The following KCNIP4 variants were observed in gnomAD, a reference collection of about 807,000 sequenced individuals.
KCNIP4 encodes potassium voltage-gated channel interacting protein 4, also known as Kv channel-interacting protein 4.
A neutral mutation model predicts 34.0 loss-of-function variants in KCNIP4; 12 were observed. The ratio of observed to expected loss-of-function variants is 0.35; its 90% CI spans 0.23 to 0.57. KCNIP4 has a LOEUF of 0.57. Among genes scored for constraint, KCNIP4 ranks in the 20% least tolerant of loss-of-function variants. KCNIP4 has a pLI of 0.83. For synonymous variants in KCNIP4, 124 were observed against 102.2 expected, an observed-to-expected ratio of 1.21 and a Z score of -1.29; for missense variants, 238 against 311.7, an observed-to-expected ratio of 0.76 and a Z score of 1.78.
intron 5 of KCNIP4, among the ~76,000 whole-genome samples, chr4:20,738,286 A>G (rs1275039096): frequency 6.6e-6 from 1 of 152,222 alleles, no homozygotes; most frequent in Non-Finnish European, 1.5e-5. Flanking sequence ...TTCACAGCGT[A>G]GTAATAATAT....
intron 1 of KCNIP4, among the ~76,000 whole-genome samples, chr4:21,375,262 T>C (rs933226134): frequency 6.6e-6 from 1 of 151,920 alleles, no homozygotes; most frequent in Non-Finnish European, 1.5e-5. Context: ...GACATGTGTG[T>C]TCAATTGCAT....
intron 1 of KCNIP4, among the ~76,000 whole-genome samples, chr4:21,015,101 G>A (rs564818091): frequency 2.6e-5 from 4 of 152,010 alleles, no homozygotes; most frequent in Admixed American, 2.6e-4. Flanking sequence ...ATAGAAGGTA[G>A]GATAGTGGTG....
chr4:21,858,557 G>A lies in KCNIP4; in HGVS notation c.61+90014C>T, dbSNP rs150681065. ...GTTTACATAGAAATTATGGTTATGCGATGAAGAATTCAACTCAAAAGGTTC... is the reference window on the plus strand; with the variant it reads ...GTTTACATAGAAATTATGGTTATGCAATGAAGAATTCAACTCAAAAGGTTC... On this transcript the variant is annotated intron_variant, in intron 1 of 8. Transcript: ENST00000382152. Among the ~76,000 whole-genome samples the A allele has an allele frequency of 7.9e-5, 12 of 152,218 alleles. No individual in the cohort carries two copies. In the East Asian group the frequency reaches 1.7e-3, roughly 22 times the overall value.
chr4:21,388,095 A>AGATTTCAGGTGTGCTGAAG (rs1350296605), intron 1 of KCNIP4, among the ~76,000 whole-genome samples: 1 of 152,108 alleles, frequency 6.6e-6, no homozygotes, highest in Non-Finnish European at 1.5e-5. Flanking sequence ...CTCCTGAGAA[A>AGATTTCAGGTGTGCTGAAG]GATTTCAGGT....
chr4:21,053,164 GA>G (rs1331497202), intron 1 of KCNIP4, among the ~76,000 whole-genome samples: 2 of 152,094 alleles, frequency 1.3e-5, no homozygotes, highest in African/African-American at 4.8e-5. Flanking sequence ...GGGGTCAATG[GA>G]AATCAAGAAG....
At chr4:21,133,592 T>G (rs1487158425) in intron 1 of KCNIP4, among the ~76,000 whole-genome samples, 1 of 152,218 alleles carries the variant, frequency 6.6e-6, no homozygotes, top group Non-Finnish European at 1.5e-5. Flanking sequence ...GTCTTCATCT[T>G]CCATCATCCT....
intron 1 of KCNIP4, among the ~76,000 whole-genome samples, chr4:21,806,745 T>C (rs1166502249): frequency 6.6e-6 from 1 of 152,118 alleles, no homozygotes; most frequent in Non-Finnish European, 1.5e-5. Context: ...GTATCAAATA[T>C]GCATGGCTAA....
chr4:21,455,225 G>A (rs1412051995), intron 1 of KCNIP4, among the ~76,000 whole-genome samples: 1 of 152,058 alleles, frequency 6.6e-6, no homozygotes, highest in African/African-American at 2.4e-5. Flanking sequence ...AAATTGTGCT[G>A]TCCTCCCTTT....
intron 3 of KCNIP4, among the ~76,000 whole-genome samples, chr4:20,763,708 A>T (rs545466594): frequency 6.6e-6 from 1 of 152,158 alleles, no homozygotes; most frequent in South Asian, 2.1e-4. Flanking sequence ...TCTCCCACTG[A>T]TGCTTTATTT....
chr4:20,859,311 C>G (rs1410615846), intron 2 of KCNIP4, among the ~76,000 whole-genome samples: 2 of 152,196 alleles, frequency 1.3e-5, no homozygotes, highest in African/African-American at 2.4e-5. Context: ...AGATGGGACT[C>G]TGGCCTCTGG....
At position 21,134,517 on chromosome 4, in the gene KCNIP4, G is replaced by A. The variant is rs561163479; in HGVS notation, c.62-251808C>T. 3.9e-5 allele frequency among the ~76,000 whole-genome samples: 6 copies of A among 152,262 alleles called. No individual in the cohort carries two copies. In the East Asian group the frequency reaches 9.7e-4, roughly 25 times the overall value. Reference sequence around the variant, plus strand: ...AATTTTCAACTGCAAACGGGGGTCAGCATCCCTAACCTCTGTAAGTGTCAA... The same window carrying A: ...AATTTTCAACTGCAAACGGGGGTCAACATCCCTAACCTCTGTAAGTGTCAA... On this transcript the variant is annotated intron_variant, in intron 1 of 8. Coordinates refer to ENST00000382152, the MANE Select transcript of KCNIP4 (RefSeq NM_025221.6).
intron 1 of KCNIP4, among the ~76,000 whole-genome samples, chr4:21,297,777 T>C (rs1763925747): frequency 1.5e-5 from 2 of 133,078 alleles, no homozygotes. Flanking sequence ...ATAGTACCTA[T>C]GCTTTTACTA....
At chr4:20,836,581 T>C (rs2149465068) in intron 3 of KCNIP4, among the ~76,000 whole-genome samples, 2 of 152,284 alleles carry the variant, frequency 1.3e-5, no homozygotes, top group Middle Eastern at 6.8e-3. Flanking sequence ...ATTTCAACAT[T>C]ATAGTCAAGG....
intron 1 of KCNIP4, among the ~76,000 whole-genome samples, chr4:21,807,355 A>G (rs1721360527): frequency 6.6e-6 from 1 of 152,172 alleles, no homozygotes. Flanking sequence ...TCTGTCCTGC[A>G]TCTGGTAATT....
intron 1 of KCNIP4, among the ~76,000 whole-genome samples, chr4:21,095,357 G>T (rs1747367272): frequency 6.6e-6 from 1 of 152,112 alleles, no homozygotes; most frequent in Admixed American, 6.5e-5. Context: ...ATGATAATGT[G>T]TATACTACTT....
chr4:20,805,122 T>C (rs1282775910), intron 3 of KCNIP4, among the ~76,000 whole-genome samples: 1 of 150,140 alleles, frequency 6.7e-6, no homozygotes, highest in Non-Finnish European at 1.5e-5. Flanking sequence ...GGATGGAGAA[T>C]GTAGGCAAAA....
chr4:21,299,752 T>C (rs988487155), intron 1 of KCNIP4, among the ~76,000 whole-genome samples: 2 of 152,174 alleles, frequency 1.3e-5, no homozygotes, highest in Non-Finnish European at 2.9e-5. Flanking sequence ...CCATCAGTGA[T>C]GTTTTTGAAT....
At chr4:21,233,344 G>A (rs918337467) in intron 1 of KCNIP4, among the ~76,000 whole-genome samples, 2 of 152,096 alleles carry the variant, frequency 1.3e-5, no homozygotes, top group Admixed American at 6.6e-5. Flanking sequence ...CACAAACGAT[G>A]TCTACTAAAT....
chr4:21,707,328 C>G (rs2109070978), intron 1 of KCNIP4, among the ~76,000 whole-genome samples: 1 of 152,126 alleles, frequency 6.6e-6, no homozygotes, highest in Admixed American at 6.6e-5. Context: ...CTACTAAATA[C>G]AAATTATGAG....
Sources: allele counts gnomAD v4.1 joint callset (sites outside exome capture counted in the v4.1 genomes callset), GRCh38; gene constraint gnomAD v4.1.1; transcripts MANE v1.5; gene names NCBI Gene and HGNC (gene_info 2026-07-23, HGNC 2026-07-21).